OPN4: variants seen among roughly 807,000 people sequenced by gnomAD.
OPN4 encodes opsin 4, also known as melanopsin.
OPN4 carries 43 observed loss-of-function variants against 49.5 expected under a neutral mutation model. The ratio of observed to expected loss-of-function variants is 0.87; its 90% CI spans 0.68 to 1.12. The LOEUF (loss-of-function observed/expected upper bound fraction) is 1.12, where lower values mean the gene tolerates loss of function less well. Ranked by LOEUF, OPN4 falls within the 50% of genes most tolerant of loss-of-function variation. The pLI, the probability that OPN4 is intolerant of heterozygous loss-of-function variation, is 0.00. For missense variants in OPN4, 657 were observed against 643.9 expected, an observed-to-expected ratio of 1.02 and a Z score of -0.22; for synonymous variants, 263 against 258.0, an observed-to-expected ratio of 1.02 and a Z score of -0.19.
Position 86,663,792 on chromosome 10 carries a change from C to T in OPN4, c.1388C>T (p.Thr463Ile). ...PPRPQGHEAE[T>I]PGKTKGLIPS... ...AGACCCCAGGGACACGAAGCAGAGA[C>T]TCCAGGGAAGGTGACTGGGCCCGGT... Residue 463 changes from threonine (T) to isoleucine (I), a missense_variant, in exon 9 of 10, where the codon ACT becomes ATT. By Grantham distance (89) the Thr-to-Ile change is moderately conservative. Coordinates refer to ENST00000241891, the MANE Select transcript of OPN4 (RefSeq NM_033282.4). 6.4e-7 allele frequency: 1 copy of T among 1,553,218 alleles called. No individual in the cohort carries two copies. Among genetic ancestry groups the T allele is most frequent in the Non-Finnish European group, 8.7e-7 (1 of 1,148,454 alleles).
chr10:86,663,996 G>A (rs2132309988), intron 9 of OPN4, 194 bp downstream of exon 9: 1 of 625,348 alleles, frequency 1.6e-6, no homozygotes, highest in Non-Finnish European at 2.8e-6. Flanking sequence ...CTCTGAGCAG[G>A]GCCTGCATAT....
intron 6 of OPN4, among the ~76,000 whole-genome samples, chr10:86,660,994 A>G (rs535539755): frequency 2.0e-5 from 3 of 152,170 alleles, no homozygotes; most frequent in South Asian, 2.1e-4. Context: ...AGGTGTGGTG[A>G]CGGGCACCTG....
Position 86,659,433 on chromosome 10 carries a change from C to A in OPN4, c.765C>A (p.Tyr255Ter). 2 of 1,614,102 alleles carry A rather than the reference C, an allele frequency of 1.2e-6. No homozygotes were observed. Among genetic ancestry groups the A allele is most frequent in the Non-Finnish European group, 8.5e-7 (1 of 1,179,994 alleles). The change falls in exon 5 of 10, where the codon TAC becomes TAA. Residue 255 changes from tyrosine to a stop codon, truncating the protein, a stop_gained. Coordinates refer to ENST00000241891, the MANE Select transcript of OPN4 (RefSeq NM_033282.4). LOFTEE classifies it high-confidence loss of function. ...CTCTGCTTATCATCATCTACTGCTA[C>A]ATCTTCATCTTCAGGGCCATCCGGG... is the stretch of plus-strand genomic sequence containing the variant. Reference protein sequence around the residue: ...FLPLLIIIYCYIFIFRAIRET... With the variant: ...FLPLLIIIYC
intron 9 of OPN4, among the ~76,000 whole-genome samples, chr10:86,664,585 C>G (rs1423108360): frequency 6.6e-6 from 1 of 152,194 alleles, no homozygotes; most frequent in African/African-American, 2.4e-5. Context: ...ACAACACCCT[C>G]AGCTCAGCTC....
chr10:86,657,377 A>C (rs1334879823), intron 2 of OPN4: 7 of 639,408 alleles, frequency 1.1e-5, no homozygotes, highest in African/African-American at 1.8e-5. Context: ...GGATGATGAC[A>C]GGAGCCGAGG....
Position 86,660,048 on chromosome 10 carries a change from G to T in OPN4, c.954G>T (p.Val318=). The T allele has an allele frequency of 6.2e-7, 1 of 1,614,194 alleles. No homozygotes were observed. The highest frequency in any genetic ancestry group is 8.5e-7 in the Non-Finnish European group (1 of 1,180,020). The change falls in exon 6 of 10, where the codon GTG becomes GTT. Residue 318 remains valine (V), a synonymous_variant. Transcript: ENST00000241891. ...CTCCCTATTCCGCTGTGGCCCTGGT[G>T]GCCTTTGCTGGGTAAGCAGTGGCTA... is the stretch of plus-strand genomic sequence containing the variant. The part of the protein sequence containing the change: ...SWAPYSAVAL[V]AFAGYAHVLT...
At chr10:86,657,900 G>A (rs984740976) in intron 2 of OPN4, 132 bp from the exon 3 acceptor site, 20 of 961,768 alleles carry the variant, frequency 2.1e-5, no homozygotes, top group Admixed American at 1.4e-4. Context: ...GTGCCTGTTT[G>A]CTTGCCCATG....
intron 5 of OPN4, 130 bp from the exon 6 acceptor site, chr10:86,659,765 C>G: frequency 1.0e-6 from 1 of 981,076 alleles, no homozygotes; most frequent in Non-Finnish European, 1.5e-6. Context: ...GGGCTGCCTG[C>G]ACTGGAAGGA....
rs555049946 is a variant in OPN4, at chr10:86,660,050, C to T, written c.956C>T (p.Ala319Val). 1 of 1,614,124 alleles carries T rather than the reference C, an allele frequency of 6.2e-7. No individual in the cohort carries two copies. Among genetic ancestry groups the T allele is most frequent in the Non-Finnish European group, 8.5e-7 (1 of 1,179,994 alleles). ...WAPYSAVALVAFAGYAHVLTP... is the reference protein window; with the variant it reads ...WAPYSAVALVVFAGYAHVLTP... Reference sequence around the variant, plus strand: ...CCCTATTCCGCTGTGGCCCTGGTGGCCTTTGCTGGGTAAGCAGTGGCTAAA... The same window carrying T: ...CCCTATTCCGCTGTGGCCCTGGTGGTCTTTGCTGGGTAAGCAGTGGCTAAA... Residue 319 changes from alanine to valine, a missense_variant, in exon 6 of 10, where the codon GCC becomes GTC. Ala to Val is a moderately conservative substitution (Grantham distance 64). Transcript: ENST00000241891.
chr10:86,656,753 G>A (rs1305297515), intron 2 of OPN4, among the ~76,000 whole-genome samples: 1 of 152,060 alleles, frequency 6.6e-6, no homozygotes, highest in Non-Finnish European at 1.5e-5. Flanking sequence ...AGACCAGCCT[G>A]GCCAATGTGG....
Position 86,656,300 on chromosome 10 carries a change from G to A in OPN4, c.290G>A (p.Arg97Lys). 2 of 1,594,312 alleles carry A rather than the reference G, an allele frequency of 1.3e-6. No homozygotes were observed. Among genetic ancestry groups the A allele is most frequent in the Non-Finnish European group, 1.7e-6 (2 of 1,168,388 alleles). The change falls in exon 2 of 10, where the codon AGG becomes AAG. Residue 97 changes from arginine to lysine, a missense_variant and splice_region_variant. Coordinates refer to ENST00000241891, the MANE Select transcript of OPN4 (RefSeq NM_033282.4). ...GNLTVIYTFC[R>K]SRSLRTPANM... ...CTGACGGTCATCTATACCTTCTGCA[G>A]GTGCCTGGTTGGTGGTGCTGGGCCC... is the stretch of plus-strand genomic sequence containing the variant.
intron 2 of OPN4, among the ~76,000 whole-genome samples, chr10:86,656,894 G>A (rs1185364904): frequency 2.1e-5 from 3 of 145,070 alleles, no homozygotes; most frequent in Non-Finnish European, 4.5e-5. Flanking sequence ...GCAGTGAACC[G>A]AGATCATGCC....
At chr10:86,665,454 A>C (rs1401228969) in intron 9 of OPN4, among the ~76,000 whole-genome samples, 1 of 152,014 alleles carries the variant, frequency 6.6e-6, no homozygotes, top group Non-Finnish European at 1.5e-5. Flanking sequence ...GGTGGGGGTG[A>C]GGATGGGTTC....
At position 86,662,270 on chromosome 10, in the gene OPN4, C is replaced by G; in HGVS notation, c.1092C>G (p.His364Gln). ...HPKYRVAIAQ[H>Q]LPCLGVLLGV... ...CCTGCAGGGTGGCCATTGCCCAGCA[C>G]CTGCCCTGCCTGGGGGTGCTGCTGG... The change falls in exon 8 of 10, where the codon CAC becomes CAG. Residue 364 changes from histidine to glutamine, a missense_variant. Coordinates refer to ENST00000241891, the MANE Select transcript of OPN4 (RefSeq NM_033282.4). The G allele has an allele frequency of 6.2e-7, 1 of 1,609,748 alleles. No individual in the cohort carries two copies. Among genetic ancestry groups the G allele is most frequent in the Admixed American group, 1.7e-5 (1 of 59,806 alleles).
rs763684050 is a variant in OPN4 at position 86,658,566 on chromosome 10, C to A, written c.507C>A (p.Tyr169Ter). The A allele has an allele frequency of 6.2e-7, 1 of 1,614,234 alleles. No homozygotes were observed. Among genetic ancestry groups the A allele is most frequent in the Admixed American group, 1.7e-5 (1 of 60,026 alleles). Residue 169 changes from tyrosine to a stop codon, truncating the protein, a stop_gained, in exon 4 of 10, where the codon TAC (tyrosine) becomes TAA (stop). Transcript: ENST00000241891. LOFTEE classifies it high-confidence loss of function. Reference sequence around the variant, plus strand: ...TGACGGCCATCGCCCTGGACCGCTACCTGGTAATCACACGCCCGCTGGCCA... The same window carrying A: ...TGACGGCCATCGCCCTGGACCGCTAACTGGTAATCACACGCCCGCTGGCCA... ...ITLTAIALDRYLVITRPLATF... is the reference protein window; with the variant it reads ...ITLTAIALDR
At position 86,663,577 on chromosome 10, in the gene OPN4, AGGAG is replaced by A. The variant is rs895419475; in HGVS notation, c.1255-79_1255-76del. 6 of 1,302,958 alleles carry A rather than the reference AGGAG, an allele frequency of 4.6e-6. No individual in the cohort carries two copies. The African/African-American group carries it at 9.0e-5, about 20-fold the overall frequency. 80.7% of individuals were successfully genotyped at this position (1,302,958 alleles called of 1,614,324 possible). ...CAATGAATACCTGTTGGGAGGATGAAGGAGGGCCTGGTGGGGTAAGGGCAGGAGC... is the reference window on the plus strand; with the variant it reads ...CAATGAATACCTGTTGGGAGGATGAAGGCCTGGTGGGGTAAGGGCAGGAGC... On this transcript the variant is annotated intron_variant, in intron 8 of 9. Coordinates refer to ENST00000241891, the MANE Select transcript of OPN4 (RefSeq NM_033282.4).
Position 86,663,776 on chromosome 10 carries a change from G to A in OPN4, c.1372G>A (p.Gly458Arg), listed in dbSNP as rs774028655. The change falls in exon 9 of 10, where the codon GGA becomes AGA. Residue 458 changes from glycine to arginine, a missense_variant. Physicochemically the swap from Gly to Arg is moderately radical, Grantham distance 125. Transcript: ENST00000241891. The stretch of plus-strand genomic sequence containing the variant: ...AGCCAAGGCACCCCCCAGACCCCAG[G>A]GACACGAAGCAGAGACTCCAGGGAA... Reference protein sequence around the residue: ...LEAKAPPRPQGHEAETPGKTK... With the variant: ...LEAKAPPRPQRHEAETPGKTK... 7 of 1,557,198 alleles carry A rather than the reference G, an allele frequency of 4.5e-6. No homozygotes were observed. In the South Asian group the frequency reaches 8.3e-5, roughly 18 times the overall value.
At chr10:86,657,408 G>A (rs537743087) in intron 2 of OPN4, among the ~76,000 whole-genome samples, 1 of 152,304 alleles carries the variant, frequency 6.6e-6, no homozygotes, top group East Asian at 1.9e-4. Flanking sequence ...TGCCTGGCCC[G>A]GCCGTGGTGC....
At chr10:86,655,939 C>G (rs1190854007) in intron 1 of OPN4, among the ~76,000 whole-genome samples, 1 of 152,224 alleles carries the variant, frequency 6.6e-6, no homozygotes, top group Non-Finnish European at 1.5e-5. Flanking sequence ...TAGAAGGCCC[C>G]TGTGCCATGT....
Sources: allele counts gnomAD v4.1 joint callset (sites outside exome capture counted in the v4.1 genomes callset), GRCh38; gene constraint gnomAD v4.1.1; transcripts MANE v1.5; gene names NCBI Gene and HGNC (gene_info 2026-07-23, HGNC 2026-07-21).